The following IFRD1 variants were observed in gnomAD, a reference collection of about 807,000 sequenced individuals.
IFRD1 encodes the protein interferon related developmental regulator 1.
In IFRD1, 35 loss-of-function variants were observed where a neutral mutation model predicts 52.9. That is an observed-to-expected ratio of 0.66 (90% CI 0.51 to 0.88). The LOEUF is 0.88. IFRD1 is among the 40% of genes least tolerant of loss of function. IFRD1 has a pLI of 0.00. For synonymous variants in IFRD1, 184 were observed against 188.4 expected (o/e 0.98, Z 0.19); for missense variants, 517 against 550.8 (o/e 0.94, Z 0.61).
In IFRD1 at chr7:112,443,930, A is replaced by G. The variant is rs536500072; in HGVS notation, c.-181-6578A>G. On this transcript the variant is annotated intron_variant, in intron 1 of 12. Transcript: ENST00000005558. Reference sequence around the variant, plus strand: ...AAAAAAACAAAAACAAAAACAAAAAAACAAAACTAGTTGTAGAATGTAGAG... The same window carrying G: ...AAAAAAACAAAAACAAAAACAAAAAGACAAAACTAGTTGTAGAATGTAGAG... Among the ~76,000 whole-genome samples, 13 of 152,242 alleles carry G rather than the reference A, an allele frequency of 8.5e-5. No individual in the cohort carries two copies. The South Asian group carries it at 2.7e-3, about 32-fold the overall frequency.
At chr7:112,445,484 C>T (rs1003954707), upstream of IFRD1, among the ~76,000 whole-genome samples, 3 of 152,130 alleles carry the variant, frequency 2.0e-5, no homozygotes, top group South Asian at 2.1e-4. Context: ...ATCTTTTCTG[C>T]GTAGGGTTGT....
intron 1 of IFRD1, among the ~76,000 whole-genome samples, chr7:112,432,705 T>G (rs977101507): frequency 1.3e-5 from 2 of 152,202 alleles, no homozygotes; most frequent in Non-Finnish European, 1.5e-5. Flanking sequence ...TCAGAGCCCA[T>G]GCTGCTTCCA....
chr7:112,427,721 A>G lies in IFRD1; in HGVS notation c.-182+4289A>G, dbSNP rs564772174. Reference sequence around the variant, plus strand: ...CCCCAGAACTATCTCTTATCTTTCTATGCTCTATCACAGAGAATAACTCAT... The same window carrying G: ...CCCCAGAACTATCTCTTATCTTTCTGTGCTCTATCACAGAGAATAACTCAT... On this transcript the variant is annotated intron_variant, in intron 1 of 12. Coordinates refer to the IFRD1 transcript ENST00000005558. 3.4e-4 allele frequency among the ~76,000 whole-genome samples: 52 copies of G among 152,288 alleles called. 1 individual carries two copies. Among genetic ancestry groups the G allele is most frequent in the Middle Eastern group, 3.4e-3 (1 of 294 alleles).
rs1795884478 is a variant in IFRD1 at position 112,475,713 on chromosome 7, T to A, written c.*194T>A. ...TTATTAAATATTCTCTGTAAATCAG[T>A]AAACATGTATAAAGTATTTGTAATG... On this transcript the variant is annotated 3_prime_UTR_variant, in exon 12 of 12. Coordinates refer to ENST00000403825, the MANE Select transcript of IFRD1 (RefSeq NM_001550.4). 3.7e-6 allele frequency: 2 copies of A among 538,932 alleles called. No individual in the cohort carries two copies. 33.4% of individuals were successfully genotyped at this position (538,932 alleles called of 1,614,324 possible).
At chr7:112,459,322 T>G (rs1472322361) in intron 5 of IFRD1, among the ~76,000 whole-genome samples, 1 of 152,212 alleles carries the variant, frequency 6.6e-6, no homozygotes, top group Non-Finnish European at 1.5e-5. Context: ...TTGAGAAAGC[T>G]TTCATTCTCT....
At chr7:112,469,238 C>G (rs1173896215) in intron 9 of IFRD1, among the ~76,000 whole-genome samples, 1 of 152,174 alleles carries the variant, frequency 6.6e-6, no homozygotes, top group Non-Finnish European at 1.5e-5. Context: ...GACCCCACCC[C>G]AGATCCAGTT....
chr7:112,463,895 C>CACACA (rs1491384023), intron 8 of IFRD1, among the ~76,000 whole-genome samples: 4 of 9,364 alleles, frequency 4.3e-4, no homozygotes, highest in African/African-American at 1.9e-3. Context: ...CACACACACA[C>CACACA]CCCACGTATC....
At chr7:112,473,750 G>A (rs1358548467) in intron 11 of IFRD1, among the ~76,000 whole-genome samples, 8 of 151,818 alleles carry the variant, frequency 5.3e-5, no homozygotes, top group African/African-American at 1.9e-4. Context: ...CTTAATTTAT[G>A]TATTTTTTTT....
At chr7:112,439,041 A>T (rs547852544) in intron 1 of IFRD1, among the ~76,000 whole-genome samples, 5 of 152,370 alleles carry the variant, frequency 3.3e-5, no homozygotes, top group Admixed American at 1.3e-4. Flanking sequence ...AAGGGAAATG[A>T]AAACTCTTAA....
intron 1 of IFRD1, among the ~76,000 whole-genome samples, chr7:112,425,694 A>T (rs1794413700): frequency 6.6e-6 from 1 of 152,124 alleles, no homozygotes. Flanking sequence ...TACCTCTGTG[A>T]TCATATGAGT....
chr7:112,477,188 GTGT>G lies in IFRD1; in HGVS notation c.*1673_*1675del, dbSNP rs1347499334. On this transcript the variant is annotated 3_prime_UTR_variant, in exon 12 of 12. Coordinates refer to ENST00000403825, the MANE Select transcript of IFRD1 (RefSeq NM_001550.4). ...AAATAAATAATGAATTTTTATTAAA[GTGT>G]TGTATGAACATAGGTTTTTGTTTGT... 3.3e-5 allele frequency: 5 copies of G among 152,156 alleles called. No individual in the cohort carries two copies. Among genetic ancestry groups the G allele is most frequent in the African/African-American group, 9.7e-5 (4 of 41,436 alleles). 9.4% of individuals were successfully genotyped at this position (152,156 alleles called of 1,614,324 possible). A position where few individuals can be genotyped will look rare whatever the true frequency, so the allele number is the denominator to read the frequency against.
intron 1 of IFRD1, 94 bp from the exon 2 acceptor site, chr7:112,455,669 G>A (rs528073256): frequency 2.5e-5 from 20 of 799,824 alleles, no homozygotes; most frequent in Admixed American, 1.5e-4. Flanking sequence ...TTTTATTACT[G>A]GATTTCTCTT....
At chr7:112,467,959 C>T in intron 8 of IFRD1, 22 bp from the exon 9 acceptor site, 2 of 1,611,370 alleles carry the variant, frequency 1.2e-6, no homozygotes, top group South Asian at 2.2e-5. Context: ...ATAAAGGAAA[C>T]AAAATTGCTT....
At chr7:112,456,812 A>C in intron 3 of IFRD1, 102 bp from the exon 4 acceptor site, 1 of 1,104,746 alleles carries the variant, frequency 9.1e-7, no homozygotes, top group Non-Finnish European at 1.3e-6. Context: ...AGATTTAAAA[A>C]ATCTATACAT....
At chr7:112,469,445 C>G (rs1277773598) in intron 9 of IFRD1, among the ~76,000 whole-genome samples, 1 of 152,058 alleles carries the variant, frequency 6.6e-6, no homozygotes, top group African/African-American at 2.4e-5. Context: ...AAACCCCTAA[C>G]TCGAGCAAAT....
At chr7:112,465,573 TTAA>T (rs10605482) in intron 8 of IFRD1, among the ~76,000 whole-genome samples, 24,842 of 152,164 alleles carry the variant, frequency 0.16, 2,172 homozygotes, top group South Asian at 0.31. Context: ...GATCTATAAC[TTAA>T]TGGATGTTTA....
intron 1 of IFRD1, among the ~76,000 whole-genome samples, chr7:112,445,093 G>T (rs1794988413): frequency 7.1e-6 from 1 of 140,752 alleles, no homozygotes; most frequent in Non-Finnish European, 1.5e-5. Flanking sequence ...TTGAAACAGG[G>T]TCTCGCTCTG....
intron 8 of IFRD1, 90 bp downstream of exon 8, chr7:112,462,468 T>C: frequency 1.1e-6 from 1 of 870,490 alleles, no homozygotes; most frequent in Non-Finnish European, 1.9e-6. Context: ...GCAATAACTT[T>C]GGAACATGGC....
chr7:112,437,440 G>A (rs554192097), intron 1 of IFRD1, among the ~76,000 whole-genome samples: 1 of 152,140 alleles, frequency 6.6e-6, no homozygotes, highest in East Asian at 1.9e-4. Flanking sequence ...AATACCATGT[G>A]CCAGGCATGT....
Sources: gnomAD v4.1 joint callset for allele counts (sites outside exome capture counted in the v4.1 genomes callset) on GRCh38, gnomAD v4.1.1 for gene constraint, MANE v1.5 for transcripts, NCBI Gene and HGNC (gene_info 2026-07-23, HGNC 2026-07-21) for gene names.